CSMD1: variants seen among roughly 807,000 people sequenced by gnomAD.
CSMD1 encodes the protein CUB and Sushi multiple domains 1.
CSMD1 carries 213 observed loss-of-function variants against 417.5 expected under a neutral mutation model. The observed-to-expected ratio is 0.51, with a 90% CI of 0.46 to 0.57. The LOEUF (loss-of-function observed/expected upper bound fraction) is 0.57. Among genes scored for constraint, CSMD1 ranks in the 20% least tolerant of loss-of-function variants. The pLI is 0.00. For synonymous variants in CSMD1, 2,862 were observed against 1,736.8 expected (o/e 1.65, Z -16.11); for missense variants, 6,923 against 4,529.7 (o/e 1.53, Z -15.17).
chr8:4,464,242 T>G (rs1217662), intron 2 of CSMD1, among the ~76,000 whole-genome samples: 125,876 of 152,056 alleles, frequency 0.83, 52,236 homozygotes, highest in Middle Eastern at 0.91. Flanking sequence ...CATTCCCACA[T>G]TAACATCTTC....
intron 4 of CSMD1, among the ~76,000 whole-genome samples, chr8:4,010,286 T>C (rs916653542): frequency 1.3e-5 from 2 of 152,096 alleles, no homozygotes; most frequent in African/African-American, 4.8e-5. Flanking sequence ...TTTGAGTCTC[T>C]TGCCATAATA....
At chr8:4,949,280 T>C (rs1054027835) in intron 1 of CSMD1, among the ~76,000 whole-genome samples, 2 of 150,462 alleles carry the variant, frequency 1.3e-5, no homozygotes, top group African/African-American at 2.4e-5. Context: ...ATTGTCCTTT[T>C]CCTATGGTAT....
intron 23 of CSMD1, among the ~76,000 whole-genome samples, chr8:3,319,111 T>C (rs1805976801): frequency 6.6e-6 from 1 of 152,126 alleles, no homozygotes; most frequent in African/African-American, 2.4e-5. Flanking sequence ...TGCATCCAGA[T>C]AATAACTGAA....
At chr8:4,715,038 T>A (rs892823258) in intron 1 of CSMD1, among the ~76,000 whole-genome samples, 1 of 152,200 alleles carries the variant, frequency 6.6e-6, no homozygotes, top group Non-Finnish European at 1.5e-5. Flanking sequence ...AGCATTTTTT[T>A]ATGTTATTCA....
At chr8:4,366,207 G>A (rs577185365) in intron 3 of CSMD1, among the ~76,000 whole-genome samples, 1 of 151,940 alleles carries the variant, frequency 6.6e-6, no homozygotes, top group South Asian at 2.1e-4. Context: ...GCTTCACTTA[G>A]GATAATGGTC....
chr8:4,192,979 T>G (rs1001040962), intron 3 of CSMD1, among the ~76,000 whole-genome samples: 5 of 152,236 alleles, frequency 3.3e-5, no homozygotes, highest in African/African-American at 9.6e-5. Flanking sequence ...TTTGAGTGTT[T>G]TGCAAATCAA....
intron 5 of CSMD1, among the ~76,000 whole-genome samples, chr8:3,913,898 C>G (rs1808625503): frequency 1.3e-5 from 2 of 151,684 alleles, no homozygotes; most frequent in African/African-American, 4.8e-5. Context: ...TGTTTTTTGT[C>G]CAGCTGTATA....
chr8:3,534,223 G>A (rs866598028), intron 10 of CSMD1, among the ~76,000 whole-genome samples: 2 of 152,090 alleles, frequency 1.3e-5, no homozygotes, highest in South Asian at 2.1e-4. Flanking sequence ...CCTTTGCCTA[G>A]GTAGTCCAGA....
At chr8:3,243,921 A>G (rs1269261820) in intron 26 of CSMD1, among the ~76,000 whole-genome samples, 1 of 152,122 alleles carries the variant, frequency 6.6e-6, no homozygotes, top group Non-Finnish European at 1.5e-5. Flanking sequence ...TGTTTTTTAA[A>G]CGTTATGTAA....
intron 28 of CSMD1, among the ~76,000 whole-genome samples, chr8:3,222,380 G>T (rs775747699): frequency 3.3e-5 from 5 of 151,842 alleles, no homozygotes; most frequent in Admixed American, 1.3e-4. Flanking sequence ...GACACTCATA[G>T]CTCATTGCAG....
rs191274602 is a variant in CSMD1, at chr8:4,405,965, C to T, written c.415+13988G>A. On this transcript the variant is annotated intron_variant, in intron 3 of 69. Transcript: ENST00000635120. ...CCTGAGTAATGCCTTCTGTTCTGCTCGCCTGTCCTGTAACAGACATGGCTG... is the reference window on the plus strand; with the variant it reads ...CCTGAGTAATGCCTTCTGTTCTGCTTGCCTGTCCTGTAACAGACATGGCTG... 7.6e-4 allele frequency among the ~76,000 whole-genome samples: 116 copies of T among 152,268 alleles called. 1 individual carries two copies. Among genetic ancestry groups the T allele is most frequent in the South Asian group, 4.6e-3 (22 of 4,820 alleles).
chr8:3,865,919 T>C (rs943027199), intron 5 of CSMD1, among the ~76,000 whole-genome samples: 5 of 152,170 alleles, frequency 3.3e-5, no homozygotes, highest in African/African-American at 7.2e-5. Flanking sequence ...ACCACATTAA[T>C]TAACTCCTCA....
intron 5 of CSMD1, among the ~76,000 whole-genome samples, chr8:3,902,081 T>A (rs1807792932): frequency 1.3e-5 from 2 of 152,206 alleles, no homozygotes; most frequent in Admixed American, 6.5e-5. Flanking sequence ...AGATTCCTAT[T>A]TGTCTTGAAA....
At chr8:3,137,219 T>C (rs1363737229) in intron 41 of CSMD1, among the ~76,000 whole-genome samples, 1 of 152,208 alleles carries the variant, frequency 6.6e-6, no homozygotes, top group Non-Finnish European at 1.5e-5. Flanking sequence ...AGCTACAATT[T>C]TTTATCCTTT....
chr8:4,937,199 C>A (rs184400514), intron 1 of CSMD1, among the ~76,000 whole-genome samples: 8 of 151,544 alleles, frequency 5.3e-5, no homozygotes, highest in African/African-American at 1.9e-4. Flanking sequence ...AGCAACAGAG[C>A]CAGGCCCTGT....
chr8:3,894,719 G>A (rs571254498), intron 5 of CSMD1, among the ~76,000 whole-genome samples: 39 of 152,220 alleles, frequency 2.6e-4, no homozygotes, highest in African/African-American at 9.1e-4. Context: ...ATATGAATTA[G>A]TTTCTTGATT....
chr8:3,807,687 T>C (rs1222555090), intron 5 of CSMD1, among the ~76,000 whole-genome samples: 1 of 152,188 alleles, frequency 6.6e-6, no homozygotes, highest in Non-Finnish European at 1.5e-5. Flanking sequence ...AATTAAGTTT[T>C]GGCTTTTCTT....
At chr8:3,315,512 C>G (rs1320260925) in intron 23 of CSMD1, among the ~76,000 whole-genome samples, 1 of 151,072 alleles carries the variant, frequency 6.6e-6, no homozygotes, top group Non-Finnish European at 1.5e-5. Context: ...GCTACAGATG[C>G]TATTGTTTTC....
intron 23 of CSMD1, among the ~76,000 whole-genome samples, chr8:3,312,359 T>G (rs1045577347): frequency 2.0e-5 from 3 of 152,206 alleles, no homozygotes; most frequent in Non-Finnish European, 4.4e-5. Flanking sequence ...AAAGATCACT[T>G]AAGACCTTGA....
Sources: gnomAD v4.1 joint callset for allele counts (sites outside exome capture counted in the v4.1 genomes callset) on GRCh38, gnomAD v4.1.1 for gene constraint, MANE v1.5 for transcripts, NCBI Gene and HGNC (gene_info 2026-07-23, HGNC 2026-07-21) for gene names.